Variants in FAT3 observed in about 807,000 individuals in gnomAD.
FAT3 encodes FAT atypical cadherin 3.
In FAT3, 95 loss-of-function variants were observed where a neutral mutation model predicts 310.2. That is an observed-to-expected ratio of 0.31 (90% CI 0.26 to 0.36). The LOEUF (loss-of-function observed/expected upper bound fraction) is 0.36, where lower values mean the gene tolerates loss of function less well. Ranked by LOEUF, FAT3 falls within the 10% of genes least tolerant of loss-of-function variation. The probability of loss-of-function intolerance (pLI) is 1.00; values close to 1 mark genes in which losing one functional copy is unlikely to be tolerated. For synonymous variants in FAT3, 2,314 were observed against 2,192.9 expected (o/e 1.06, Z -1.54); for missense variants, 5,408 against 5,715.6 (o/e 0.95, Z 1.74).
At chr11:92,327,465 C>T (rs1347768736) in intron 1 of FAT3, among the ~76,000 whole-genome samples, 1 of 152,144 alleles carries the variant, frequency 6.6e-6, no homozygotes, top group Non-Finnish European at 1.5e-5. Flanking sequence ...ATATGGCAGC[C>T]TCTAAAATAT....
intron 3 of FAT3, among the ~76,000 whole-genome samples, chr11:92,603,683 C>G (rs1030026813): frequency 2.0e-5 from 3 of 152,182 alleles, no homozygotes; most frequent in Non-Finnish European, 4.4e-5. Context: ...CACTTAATAT[C>G]AGGCTTTGTA....
rs1292661793 is a variant in FAT3, at chr11:92,890,526, G to T, written c.13183G>T (p.Ala4395Ser). ...GGACACCTCTGATTGGATGCCAGGG[G>T]CCCGCCTGTCGGACATAGAGGAAGT... Reference protein sequence around the residue: ...HWDTSDWMPGARLSDIEEVPN... With the variant: ...HWDTSDWMPGSRLSDIEEVPN... The change falls in exon 28 of 28, where the codon GCC becomes TCC. Residue 4395 changes from alanine (A) to serine (S), a missense_variant. Around this residue, in one of 5 missense-constraint regions of FAT3, gnomAD observed 649 missense variants for 666.2 expected, o/e 0.97. Coordinates refer to ENST00000525166, the MANE Select transcript of FAT3 (RefSeq NM_001367949.2). The T allele has an allele frequency of 1.2e-6, 2 of 1,613,570 alleles. No homozygotes were observed. The highest frequency in any genetic ancestry group is 2.2e-5 in the East Asian group (1 of 44,870).
intron 1 of FAT3, among the ~76,000 whole-genome samples, chr11:92,349,305 A>T (rs1948499584): frequency 6.6e-6 from 1 of 152,170 alleles, no homozygotes; most frequent in Non-Finnish European, 1.5e-5. Context: ...TACCGTGTTC[A>T]CATGTCCACA....
intron 21 of FAT3, among the ~76,000 whole-genome samples, chr11:92,861,844 A>G (rs1949129229): frequency 6.6e-6 from 1 of 152,130 alleles, no homozygotes; most frequent in African/African-American, 2.4e-5. Context: ...TTTAAATTGC[A>G]CCTCTTGGTT....
chr11:92,442,664 A>G (rs1591297648), intron 2 of FAT3, among the ~76,000 whole-genome samples: 1 of 151,918 alleles, frequency 6.6e-6, no homozygotes, highest in Non-Finnish European at 1.5e-5. Context: ...CGGCTTCATC[A>G]CTCTGTTTAT....
chr11:92,665,032 A>G (rs979108901), intron 3 of FAT3, among the ~76,000 whole-genome samples: 2 of 152,238 alleles, frequency 1.3e-5, no homozygotes, highest in African/African-American at 2.4e-5. Context: ...TTTGTCATCC[A>G]TGACAGTTGC....
chr11:92,573,605 G>A (rs926058926), intron 3 of FAT3, among the ~76,000 whole-genome samples: 1 of 152,136 alleles, frequency 6.6e-6, no homozygotes, highest in African/African-American at 2.4e-5. Flanking sequence ...AATGATGAGT[G>A]TCCTTATAAG....
At chr11:92,249,429 A>G (rs913545511) in intron 1 of FAT3, among the ~76,000 whole-genome samples, 4 of 152,128 alleles carry the variant, frequency 2.6e-5, no homozygotes, top group African/African-American at 4.8e-5. Context: ...AGTGAACTGA[A>G]TGCTTTCAAT....
At chr11:92,753,798 G>GTATATATATATATATATA (rs1555140308) in intron 4 of FAT3, among the ~76,000 whole-genome samples, 1 of 119,112 alleles carries the variant, frequency 8.4e-6, no homozygotes, top group African/African-American at 3.9e-5. Flanking sequence ...GTGTGTGTGT[G>GTATATATATATATATATA]TATATATATA....
At position 92,831,807 on chromosome 11, in the gene FAT3, A is replaced by G; in HGVS notation, c.9667A>G (p.Thr3223Ala). The stretch of plus-strand genomic sequence containing the variant: ...GTCCCTGTCCTCTCTCACTACTGTC[A>G]CCATCACCGTTCTGGACATTAATGA... ...GQSLSSLTTV[T>A]ITVLDINDNP... Residue 3223 changes from threonine (T) to alanine (A), a missense_variant, in exon 14 of 28, where the codon ACC becomes GCC. Coordinates refer to ENST00000525166, the MANE Select transcript of FAT3 (RefSeq NM_001367949.2). The G allele has an allele frequency of 6.2e-7, 1 of 1,613,586 alleles. No individual in the cohort carries two copies. Among genetic ancestry groups the G allele is most frequent in the Non-Finnish European group, 8.5e-7 (1 of 1,179,790 alleles).
intron 13 of FAT3, among the ~76,000 whole-genome samples, chr11:92,814,746 A>G (rs1947776716): frequency 6.6e-6 from 1 of 152,202 alleles, no homozygotes; most frequent in Admixed American, 6.5e-5. Context: ...CATCAGGACA[A>G]ATACCTAATG....
intron 4 of FAT3, among the ~76,000 whole-genome samples, chr11:92,744,854 G>C (rs1945612110): frequency 6.6e-6 from 1 of 152,110 alleles, no homozygotes; most frequent in South Asian, 2.1e-4. Context: ...ATACACATAA[G>C]CCTAATTTCT....
intron 2 of FAT3, among the ~76,000 whole-genome samples, chr11:92,465,267 T>G (rs563643149): frequency 6.6e-6 from 1 of 152,188 alleles, no homozygotes; most frequent in Non-Finnish European, 1.5e-5. Flanking sequence ...TTGCTAGACA[T>G]TGGTTAGCAT....
intron 3 of FAT3, among the ~76,000 whole-genome samples, chr11:92,596,524 T>A (rs925187498): frequency 3.9e-5 from 6 of 152,156 alleles, no homozygotes; most frequent in Non-Finnish European, 8.8e-5. Context: ...CAGAGAGAAC[T>A]ATCTCTCTGT....
chr11:92,849,149 T>C (rs946124319), intron 19 of FAT3, among the ~76,000 whole-genome samples: 5 of 152,192 alleles, frequency 3.3e-5, no homozygotes, highest in Admixed American at 6.5e-5. Context: ...ATTGACTCAC[T>C]CAGAATCACA....
chr11:92,780,233 C>G (rs1449894763), intron 7 of FAT3, among the ~76,000 whole-genome samples: 1 of 149,430 alleles, frequency 6.7e-6, no homozygotes, highest in African/African-American at 2.5e-5. Context: ...ACAATCACGA[C>G]TCACGGTAGC....
intron 21 of FAT3, among the ~76,000 whole-genome samples, chr11:92,863,614 A>T (rs1294790671): frequency 1.3e-5 from 2 of 152,194 alleles, no homozygotes; most frequent in Non-Finnish European, 2.9e-5. Flanking sequence ...TCATTTCAGT[A>T]TCGTTGCTAT....
intron 25 of FAT3, among the ~76,000 whole-genome samples, chr11:92,888,219 C>T (rs1003079370): frequency 1.3e-4 from 20 of 152,198 alleles, no homozygotes; most frequent in Non-Finnish European, 2.9e-5. Context: ...GACAACAAAT[C>T]ACCTAACAGT....
At chr11:92,305,643 A>G (rs1442209875) in intron 1 of FAT3, among the ~76,000 whole-genome samples, 1 of 152,172 alleles carries the variant, frequency 6.6e-6, no homozygotes, top group Non-Finnish European at 1.5e-5. Flanking sequence ...GATACAGGTG[A>G]AAGAACATCA....
Sources: gnomAD v4.1 joint callset for allele counts (sites outside exome capture counted in the v4.1 genomes callset) on GRCh38, gnomAD v4.1.1 for gene constraint, gnomAD v4.1.1 regional missense constraint, MANE v1.5 for transcripts, NCBI Gene and HGNC (gene_info 2026-07-23, HGNC 2026-07-21) for gene names.